The following TACC3 variants were observed in gnomAD, a reference collection of about 807,000 sequenced individuals.
TACC3 encodes the protein transforming acidic coiled-coil-containing protein 3.
A neutral mutation model predicts 86.0 loss-of-function variants in TACC3; 52 were observed. The observed-to-expected ratio is 0.60, with a 90% confidence interval of 0.48 to 0.76. The LOEUF (loss-of-function observed/expected upper bound fraction) is 0.76, where lower values mean the gene tolerates loss of function less well. Among genes scored for constraint, TACC3 ranks in the 30% least tolerant of loss-of-function variants. TACC3 has a pLI of 0.00. For missense variants in TACC3, 1,120 were observed against 1,070.4 expected (o/e 1.05, Z -0.65); for synonymous variants, 512 against 430.0 (o/e 1.19, Z -2.36).
chr4:1,735,120 C>A lies in TACC3; in HGVS notation c.1592-153C>A, dbSNP rs1718187985. 6.6e-6 allele frequency among the ~76,000 whole-genome samples: 1 copy of A among 152,184 alleles called. No homozygotes were observed. The highest frequency in any genetic ancestry group is 6.5e-5 in the Admixed American group (1 of 15,292). On this transcript the variant is annotated intron_variant, in intron 6 of 15. Coordinates refer to ENST00000313288, the MANE Select transcript of TACC3 (RefSeq NM_006342.3). The surrounding 1 kb of genome is among the most constrained non-coding windows in gnomAD (Gnocchi z 4.2). ...GTGCCCAGGAGGCGCCTGCCGCAGA[C>A]AGCAGTCAGGCCCCGAACATCCACA...
rs1302191598 is a variant in TACC3 at position 1,737,229 on chromosome 4, G to A, written c.1749-12G>A. The stretch of plus-strand genomic sequence containing the variant: ...GGGCCTAGTGACTGAGGCTGCCTCT[G>A]CTTGGTGGCAGCATGCACGGTGCAA... On this transcript the variant is annotated splice_polypyrimidine_tract_variant and intron_variant, in intron 8 of 15. Transcript: ENST00000313288. 1 of 1,612,672 alleles carries A rather than the reference G, an allele frequency of 6.2e-7. No homozygotes were observed. The highest frequency in any genetic ancestry group is 8.5e-7 in the Non-Finnish European group (1 of 1,178,896).
intron 10 of TACC3, chr4:1,738,008 G>A (rs566273672): frequency 5.8e-5 from 26 of 447,250 alleles, no homozygotes; most frequent in African/African-American, 1.8e-4. Context: ...TCTTGCTGCC[G>A]TGAGCCCGAG....
chr4:1,722,774 G>A (rs1374291567), intron 1 of TACC3, among the ~76,000 whole-genome samples: 1 of 152,172 alleles, frequency 6.6e-6, no homozygotes, highest in East Asian at 1.9e-4. Context: ...TGAGGACCTG[G>A]GCAGCCCTGG....
intron 13 of TACC3, 190 bp downstream of exon 13, chr4:1,741,176 TGAGG>T (rs1718580703): frequency 3.8e-6 from 2 of 520,676 alleles, no homozygotes; most frequent in East Asian, 6.7e-5. Flanking sequence ...GCGAGGCAGC[TGAGG>T]GCGGCAGGAG....
At chr4:1,744,690 T>C (rs1560331097) in intron 14 of TACC3, 22 bp from the exon 15 acceptor site, 1 of 1,612,254 alleles carries the variant, frequency 6.2e-7, no homozygotes, top group East Asian at 2.2e-5. Flanking sequence ...GCTCAGCCTC[T>C]GCCCCGCCCC....
In TACC3 at chr4:1,723,821, G is replaced by A; in HGVS notation, c.256G>A (p.Asp86Asn). ...ACTTGAGGCTCCTTTCACTCAGGAT[G>A]ACACCCTTGGACTGGAAAACTCACA... ...SKLEAPFTQD[D>N]TLGLENSHPV... The change falls in exon 3 of 16, where the codon GAC becomes AAC. Residue 86 changes from aspartate to asparagine, a missense_variant. Transcript: ENST00000313288. 1 of 1,613,694 alleles carries A rather than the reference G, an allele frequency of 6.2e-7. No homozygotes were observed. Among genetic ancestry groups the A allele is most frequent in the South Asian group, 1.1e-5 (1 of 91,084 alleles).
intron 1 of TACC3, 138 bp downstream of exon 1, chr4:1,721,781 G>T (rs977394899): frequency 1.3e-5 from 2 of 152,212 alleles, no homozygotes; most frequent in Non-Finnish European, 2.9e-5. Context: ...GGCTCCTCCT[G>T]GGGCCGCCGC....
At position 1,728,149 on chromosome 4, in the gene TACC3, T is replaced by A. The variant is rs1336087393; in HGVS notation, c.747T>A (p.Thr249=). 6.2e-7 allele frequency: 1 copy of A among 1,611,678 alleles called. No individual in the cohort carries two copies. Among genetic ancestry groups the A allele is most frequent in the Admixed American group, 1.7e-5 (1 of 59,800 alleles). Residue 249 remains threonine, a synonymous_variant, in exon 4 of 16, where the codon ACT becomes ACA. Coordinates refer to ENST00000313288, the MANE Select transcript of TACC3 (RefSeq NM_006342.3). ...GGVCAPAAVA[T]SPPGAIPKEA... The stretch of plus-strand genomic sequence containing the variant: ...TCTGTGCTCCCGCAGCAGTGGCCAC[T>A]TCGCCTCCTGGTGCAATCCCTAAGG...
chr4:1,734,683 T>C (rs1167443404), intron 6 of TACC3, among the ~76,000 whole-genome samples: 1 of 152,148 alleles, frequency 6.6e-6, no homozygotes, highest in Non-Finnish European at 1.5e-5. Context: ...ACCTTTTCTT[T>C]TTTTTTGCAA....
intron 3 of TACC3, among the ~76,000 whole-genome samples, chr4:1,726,135 T>C (rs1022845481): frequency 6.6e-6 from 1 of 152,202 alleles, no homozygotes; most frequent in Non-Finnish European, 1.5e-5. Context: ...CAGCCGCCTC[T>C]TCTGTCAGGG....
At position 1,739,992 on chromosome 4, in the gene TACC3, C is replaced by G; in HGVS notation, c.2052C>G (p.Tyr684Ter). 1 of 1,613,070 alleles carries G rather than the reference C, an allele frequency of 6.2e-7. No homozygotes were observed. The highest frequency in any genetic ancestry group is 8.5e-7 in the Non-Finnish European group (1 of 1,180,000). Residue 684 changes from tyrosine to a stop codon, truncating the protein, a stop_gained, in exon 12 of 16, where the codon TAC (tyrosine) becomes TAG (stop). Transcript: ENST00000313288. LOFTEE classifies it high-confidence loss of function. The stretch of plus-strand genomic sequence containing the variant: ...TGGACAGGTTCGAAGAGGTTGTGTA[C>G]CAGGCCATGGGTGAGTGCCCGGGCC... ...KIMDRFEEVV[Y>*]QAMEEVQKQK...
chr4:1,734,441 G>A (rs1370044871), intron 6 of TACC3, among the ~76,000 whole-genome samples: 1 of 152,170 alleles, frequency 6.6e-6, no homozygotes, highest in Non-Finnish European at 1.5e-5. Flanking sequence ...ACCTGCCTTG[G>A]CCTCCCAAAG....
intron 3 of TACC3, among the ~76,000 whole-genome samples, chr4:1,724,379 CTTTTTT>C (rs35896374): frequency 1.8e-5 from 2 of 108,384 alleles, no homozygotes; most frequent in Non-Finnish European, 3.7e-5. Context: ...TCATACTTCA[CTTTTTT>C]TTTTTTTTTT....
intron 3 of TACC3, among the ~76,000 whole-genome samples, chr4:1,727,473 G>A (rs1451558289): frequency 1.3e-5 from 2 of 152,214 alleles, no homozygotes; most frequent in African/African-American, 4.8e-5. Context: ...GGCGGGGTCA[G>A]CGAGGAAGTC....
In TACC3 at chr4:1,735,261, C is replaced by G; in HGVS notation, c.1592-12C>G. On this transcript the variant is annotated splice_polypyrimidine_tract_variant and intron_variant, in intron 6 of 15. Transcript: ENST00000313288. This position sits in a 1 kb window ranked among gnomAD's most constrained non-coding sequence, Gnocchi z 4.2. ...GAGGGGCGATGGCGGCGGCATGATT[C>G]ACTCCTCTCAGTTCTAGGCACGGGC... 3 of 1,613,918 alleles carry G rather than the reference C, an allele frequency of 1.9e-6. No homozygotes were observed. The highest frequency in any genetic ancestry group is 2.5e-6 in the Non-Finnish European group (3 of 1,180,034).
At chr4:1,737,774 G>T in intron 10 of TACC3, 72 bp downstream of exon 10, 1 of 1,375,942 alleles carries the variant, frequency 7.3e-7, no homozygotes, top group Non-Finnish European at 1.0e-6. Flanking sequence ...AGTGGGCAGG[G>T]GTCCAACAGC....
Position 1,744,958 on chromosome 4 carries a change from A to AC in TACC3, c.2463dup (p.Glu822ArgfsTer59). ...ATCTTCCTCCTCCAGACTAAAGAGA[A>AC]CGAGGAGCTGACCAGGATCTGCGAC... On this transcript the variant is annotated frameshift_variant, in exon 16 of 16. Coordinates refer to ENST00000313288, the MANE Select transcript of TACC3 (RefSeq NM_006342.3). LOFTEE classifies it high-confidence loss of function. 1.2e-6 allele frequency: 2 copies of AC among 1,612,054 alleles called. No individual in the cohort carries two copies. Among genetic ancestry groups the AC allele is most frequent in the Non-Finnish European group, 1.7e-6 (2 of 1,179,624 alleles).
At position 1,727,714 on chromosome 4, in the gene TACC3, G is replaced by A; in HGVS notation, c.312G>A (p.Gln104=). 6.3e-7 allele frequency: 1 copy of A among 1,581,550 alleles called. No homozygotes were observed. Among genetic ancestry groups the A allele is most frequent in the South Asian group, 1.2e-5 (1 of 86,872 alleles). ...ATTAAGTCTCTTTTAAAAGCCAACA[G>A]CTCATCAAGGAAGTGGATGCCAAAA... ...HPVWTQKENQ[Q]LIKEVDAKTT... Residue 104 remains glutamine, a synonymous_variant, in exon 4 of 16, where the codon CAG becomes CAA. Coordinates refer to ENST00000313288, the MANE Select transcript of TACC3 (RefSeq NM_006342.3).
chr4:1,730,442 C>T (rs1032958496), intron 4 of TACC3: 3 of 301,554 alleles, frequency 9.9e-6, no homozygotes, highest in Middle Eastern at 1.2e-3. Context: ...TATCTATAAT[C>T]TATTTCTAGT....
Sources: allele counts gnomAD v4.1 joint callset (sites outside exome capture counted in the v4.1 genomes callset), GRCh38; gene constraint gnomAD v4.1.1; non-coding constraint Gnocchi (gnomAD v3.1); transcripts MANE v1.5; gene names NCBI Gene and HGNC (gene_info 2026-07-23, HGNC 2026-07-21).